The following SIPA1L2 variants were observed in gnomAD, a reference collection of about 807,000 sequenced individuals.
The protein encoded by SIPA1L2 is signal-induced proliferation-associated 1-like protein 2.
SIPA1L2 carries 56 observed loss-of-function variants against 163.9 expected under a neutral mutation model. The ratio of observed to expected loss-of-function variants is 0.34; its 90% confidence interval spans 0.28 to 0.43. SIPA1L2 has a LOEUF of 0.43. Among genes scored for constraint, SIPA1L2 ranks in the 20% least tolerant of loss-of-function variants. SIPA1L2 has a pLI of 1.00. For missense variants in SIPA1L2, 1,974 were observed against 2,193.5 expected, an observed-to-expected ratio of 0.90 and a Z score of 2.00; for synonymous variants, 877 against 865.7, an observed-to-expected ratio of 1.01 and a Z score of -0.23.
intron 8 of SIPA1L2, among the ~76,000 whole-genome samples, chr1:232,466,212 C>T (rs758208692): frequency 4.6e-5 from 7 of 152,070 alleles, no homozygotes; most frequent in Non-Finnish European, 7.4e-5. Context: ...GATTCAGTGA[C>T]GTGGGACAGA....
intron 1 of SIPA1L2, among the ~76,000 whole-genome samples, chr1:232,595,962 C>T (rs974349455): frequency 5.3e-5 from 8 of 152,090 alleles, no homozygotes; most frequent in Admixed American, 2.0e-4. Context: ...CTTAGAGTTC[C>T]ACTGCCCATA....
chr1:232,576,856 C>T (rs1281698525), intron 1 of SIPA1L2, among the ~76,000 whole-genome samples: 1 of 151,974 alleles, frequency 6.6e-6, no homozygotes, highest in African/African-American at 2.4e-5. Flanking sequence ...TAAGCCAAAG[C>T]CTAGTTCAGA....
At chr1:232,400,296 A>G (rs1660259186) in intron 22 of SIPA1L2, among the ~76,000 whole-genome samples, 1 of 152,198 alleles carries the variant, frequency 6.6e-6, no homozygotes. Context: ...TGAGTCCCAC[A>G]GCTCAGCACA....
chr1:232,602,059 G>C (rs1661624012), intron 1 of SIPA1L2, among the ~76,000 whole-genome samples: 1 of 152,154 alleles, frequency 6.6e-6, no homozygotes, highest in South Asian at 2.1e-4. Flanking sequence ...AGGTGGCCTA[G>C]TAAACAAATG....
chr1:232,530,570 CT>C (rs1272313226), intron 2 of SIPA1L2, among the ~76,000 whole-genome samples: 1 of 151,856 alleles, frequency 6.6e-6, no homozygotes, highest in Non-Finnish European at 1.5e-5. Flanking sequence ...GTAAATACTC[CT>C]TTTCGCTAAA....
chr1:232,513,759 A>G, intron 3 of SIPA1L2, 98 bp downstream of exon 3: 2 of 1,279,970 alleles, frequency 1.6e-6, no homozygotes, highest in East Asian at 4.7e-5. Context: ...GGCCTTGGAC[A>G]CTCTGAGGAA....
chr1:232,420,352 G>A (rs1661499051), intron 18 of SIPA1L2, among the ~76,000 whole-genome samples: 1 of 152,106 alleles, frequency 6.6e-6, no homozygotes, highest in Admixed American at 6.5e-5. Flanking sequence ...GATACACATA[G>A]TGCAGACCTG....
chr1:232,505,288 T>A (rs1268583588), intron 3 of SIPA1L2, among the ~76,000 whole-genome samples: 1 of 152,124 alleles, frequency 6.6e-6, no homozygotes, highest in Non-Finnish European at 1.5e-5. Context: ...TGAAATAAAT[T>A]TTGGGTCTAA....
chr1:232,504,166 C>T (rs1451091139), intron 3 of SIPA1L2, among the ~76,000 whole-genome samples: 2 of 151,924 alleles, frequency 1.3e-5, no homozygotes, highest in African/African-American at 4.8e-5. Context: ...TGTGCCACTG[C>T]ACTCCAGCCT....
In SIPA1L2 at chr1:232,618,324, T is replaced by A. The variant is rs1313702985; in HGVS notation, c.-319+11545A>T. ...GGGATGCTCAGGCGAGGCGAGCTCT[T>A]TTTGTCCACAGACATCCTTCCTAAT... On this transcript the variant is annotated intron_variant, in intron 1 of 22. Transcript: ENST00000674635. 2.0e-5 allele frequency among the ~76,000 whole-genome samples: 3 copies of A among 152,114 alleles called. No individual in the cohort carries two copies. In the East Asian group the frequency reaches 5.8e-4, roughly 29 times the overall value.
Position 232,514,220 on chromosome 1 carries a change from T to C in SIPA1L2, c.1120A>G (p.Thr374Ala), listed in dbSNP as rs1017953196. ...ASQTQMPTGQ[T>A]GNCESPLGSK... Reference sequence around the variant, plus strand: ...CCTAAAGGGGACTCACAGTTGCCTGTCTGGCCCGTAGGCATCTGAGTCTGG... The same window carrying C: ...CCTAAAGGGGACTCACAGTTGCCTGCCTGGCCCGTAGGCATCTGAGTCTGG... Residue 374 changes from threonine to alanine, a missense_variant, in exon 3 of 23, where the codon ACA (threonine) becomes GCA (alanine). Coordinates refer to ENST00000674635, the MANE Select transcript of SIPA1L2 (RefSeq NM_020808.5). 2 of 1,614,258 alleles carry C rather than the reference T, an allele frequency of 1.2e-6. No homozygotes were observed. The highest frequency in any genetic ancestry group is 1.7e-6 in the Non-Finnish European group (2 of 1,180,046).
intron 2 of SIPA1L2, among the ~76,000 whole-genome samples, chr1:232,519,403 G>T (rs376111427): frequency 2.6e-5 from 4 of 151,758 alleles, no homozygotes; most frequent in Admixed American, 6.5e-5. Context: ...AGCTTCCTGG[G>T]GCTCTGGATG....
chr1:232,481,846 GC>G (rs1006055839), intron 6 of SIPA1L2, among the ~76,000 whole-genome samples: 1 of 152,140 alleles, frequency 6.6e-6, no homozygotes, highest in African/African-American at 2.4e-5. Flanking sequence ...AGATATTCTA[GC>G]CCAACATCCT....
intron 1 of SIPA1L2, among the ~76,000 whole-genome samples, chr1:232,585,457 G>A (rs1660607051): frequency 6.6e-6 from 1 of 152,306 alleles, no homozygotes; most frequent in South Asian, 2.1e-4. Context: ...CTAAGGGGCA[G>A]TGGGGAAAGG....
chr1:232,626,011 G>A (rs1015439602), intron 1 of SIPA1L2, among the ~76,000 whole-genome samples: 2 of 152,066 alleles, frequency 1.3e-5, no homozygotes, highest in Admixed American at 6.5e-5. Flanking sequence ...CCACGAGTGG[G>A]GTAATTTTAA....
chr1:232,481,704 T>G (rs144760302), intron 6 of SIPA1L2, among the ~76,000 whole-genome samples: 136 of 152,298 alleles, frequency 8.9e-4, no homozygotes, highest in African/African-American at 3.2e-3. Flanking sequence ...AATAAAGGCT[T>G]TTCATGGCTG....
At chr1:232,521,214 G>C (rs1321398892) in intron 2 of SIPA1L2, among the ~76,000 whole-genome samples, 9 of 152,226 alleles carry the variant, frequency 5.9e-5, no homozygotes, top group Admixed American at 1.3e-4. Flanking sequence ...ATCTGCGAAG[G>C]GGAATAAAAT....
chr1:232,565,686 T>C (rs1044741942), intron 2 of SIPA1L2, among the ~76,000 whole-genome samples: 1 of 152,202 alleles, frequency 6.6e-6, no homozygotes. Flanking sequence ...CAGAAAATTA[T>C]CACCTTTTAC....
intron 8 of SIPA1L2, among the ~76,000 whole-genome samples, chr1:232,467,899 C>T (rs1175750293): frequency 6.6e-6 from 1 of 152,212 alleles, no homozygotes; most frequent in Non-Finnish European, 1.5e-5. Flanking sequence ...GACATGGTGA[C>T]TCCATTATAT....
Sources: gnomAD v4.1 joint callset for allele counts (sites outside exome capture counted in the v4.1 genomes callset) on GRCh38, gnomAD v4.1.1 for gene constraint, MANE v1.5 for transcripts, NCBI Gene and HGNC (gene_info 2026-07-23, HGNC 2026-07-21) for gene names.